Variants in PCDH15 observed in about 807,000 individuals in gnomAD.
The protein encoded by PCDH15 is protocadherin related 15.
PCDH15 carries 129 observed loss-of-function variants against 178.5 expected under a neutral mutation model. That is an observed-to-expected ratio of 0.72 (90% CI 0.63 to 0.84). The LOEUF is 0.84. Among genes scored for constraint, PCDH15 ranks in the 40% least tolerant of loss-of-function variants. The probability of loss-of-function intolerance (pLI) is 0.00; values close to 1 mark genes in which losing one functional copy is unlikely to be tolerated. For missense variants in PCDH15, 2,230 were observed against 2,099.9 expected, an observed-to-expected ratio of 1.06 and a Z score of -1.21; for synonymous variants, 800 against 732.0, an observed-to-expected ratio of 1.09 and a Z score of -1.50.
chr10:55,525,768 T>C (rs1168669737), intron 2 of PCDH15, among the ~76,000 whole-genome samples: 1 of 151,930 alleles, frequency 6.6e-6, no homozygotes, highest in Non-Finnish European at 1.5e-5. Context: ...ATTTTCATTT[T>C]ATGGAATCAA....
Position 53,940,795 on chromosome 10 carries a change from T to C in PCDH15, c.3232+71A>G, listed in dbSNP as rs2085990956. 4 of 1,093,330 alleles carry C rather than the reference T, an allele frequency of 3.7e-6. No homozygotes were observed. In the Admixed American group the frequency reaches 7.2e-5, roughly 20 times the overall value. The allele number at this position is 1,093,330 out of a possible 1,614,324, so 67.7% of individuals were successfully genotyped here. On this transcript the variant is annotated intron_variant, in intron 24 of 37. Transcript: ENST00000644397. ...ACAATAGAATAGATAATAATTTCAATTCAATCTGAAATTAGGCCAAATCTA... is the reference window on the plus strand; with the variant it reads ...ACAATAGAATAGATAATAATTTCAACTCAATCTGAAATTAGGCCAAATCTA...
intron 1 of PCDH15, among the ~76,000 whole-genome samples, chr10:55,247,148 T>A (rs1434425426): frequency 1.3e-5 from 2 of 152,190 alleles, no homozygotes; most frequent in Non-Finnish European, 2.9e-5. Flanking sequence ...AGTTTGTTCA[T>A]GTTAGTTAAG....
At chr10:55,268,111 T>C (rs1842348504) in intron 1 of PCDH15, among the ~76,000 whole-genome samples, 1 of 152,194 alleles carries the variant, frequency 6.6e-6, no homozygotes, top group East Asian at 1.9e-4. Context: ...AATAAAGTAA[T>C]TACTACTTCT....
chr10:55,614,828 T>C (rs1016865437), intron 2 of PCDH15, among the ~76,000 whole-genome samples: 1 of 152,130 alleles, frequency 6.6e-6, no homozygotes, highest in Non-Finnish European at 1.5e-5. Context: ...TATACAGTCA[T>C]AACTGGCCAA....
intron 2 of PCDH15, among the ~76,000 whole-genome samples, chr10:54,979,876 G>T (rs1213374402): frequency 2.6e-5 from 4 of 151,922 alleles, no homozygotes; most frequent in Non-Finnish European, 5.9e-5. Context: ...ACTTTTTAAT[G>T]CAATACTTGT....
intron 35 of PCDH15, among the ~76,000 whole-genome samples, chr10:53,814,979 A>C (rs2076009155): frequency 6.6e-6 from 1 of 151,792 alleles, no homozygotes; most frequent in Non-Finnish European, 1.5e-5. Context: ...AAAAAAAAAA[A>C]AATCGAGTAA....
At chr10:55,425,486 CTATT>C (rs950640951) in intron 2 of PCDH15, among the ~76,000 whole-genome samples, 2 of 151,986 alleles carry the variant, frequency 1.3e-5, no homozygotes, top group African/African-American at 2.4e-5. Context: ...AGAAAACATA[CTATT>C]TATGTAAAAA....
intron 1 of PCDH15, among the ~76,000 whole-genome samples, chr10:55,312,046 A>G (rs1029110259): frequency 6.6e-6 from 1 of 152,186 alleles, no homozygotes; most frequent in African/African-American, 2.4e-5. Flanking sequence ...TGTAATGTGG[A>G]GATTGTGAAT....
chr10:53,909,761 G>A (rs544380775), intron 25 of PCDH15, among the ~76,000 whole-genome samples: 2 of 152,332 alleles, frequency 1.3e-5, no homozygotes, highest in African/African-American at 2.4e-5. Flanking sequence ...GCCAAGGGAA[G>A]TCATGACAGA....
At chr10:54,301,577 G>A (rs2060151815) in intron 8 of PCDH15, among the ~76,000 whole-genome samples, 1 of 152,118 alleles carries the variant, frequency 6.6e-6, no homozygotes, top group Non-Finnish European at 1.5e-5. Context: ...TATCTTAAAA[G>A]GAATGGCTTC....
chr10:55,089,909 A>C (rs11004735), intron 2 of PCDH15, among the ~76,000 whole-genome samples: 12,786 of 152,028 alleles, frequency 0.084, 661 homozygotes, highest in East Asian at 0.26. Flanking sequence ...TTTTTTTCAC[A>C]ATACACCCCT....
chr10:53,956,171 G>A (rs2087595901), intron 23 of PCDH15, among the ~76,000 whole-genome samples: 1 of 152,044 alleles, frequency 6.6e-6, no homozygotes, highest in African/African-American at 2.4e-5. Flanking sequence ...GTAGCTAATA[G>A]GACTAAGCCT....
At chr10:54,632,196 C>T (rs942904578) in intron 2 of PCDH15, among the ~76,000 whole-genome samples, 2 of 152,066 alleles carry the variant, frequency 1.3e-5, no homozygotes, top group African/African-American at 4.8e-5. Context: ...AAACCAAATA[C>T]TACATGTTCT....
Position 53,822,779 on chromosome 10 carries a change from TC to T in PCDH15, c.4368-2550del, listed in dbSNP as rs752533546. The T allele has an allele frequency of 1.2e-6, 2 of 1,614,132 alleles. No individual in the cohort carries two copies. Among genetic ancestry groups the T allele is most frequent in the Non-Finnish European group, 1.7e-6 (2 of 1,179,962 alleles). ...AAGAGAGAGATTTCAACTGTTCTGT[TC>T]CTTCTATCATCAGTGTTTCACCTTG... On this transcript the variant is annotated intron_variant, in intron 32 of 37. Transcript: ENST00000644397.
At chr10:55,041,012 A>C (rs1403920385) in intron 2 of PCDH15, among the ~76,000 whole-genome samples, 1 of 152,124 alleles carries the variant, frequency 6.6e-6, no homozygotes, top group Non-Finnish European at 1.5e-5. Context: ...CAATTATTAC[A>C]AGATAAATAT....
At chr10:55,437,996 C>CT (rs1215117783) in intron 2 of PCDH15, among the ~76,000 whole-genome samples, 9 of 151,624 alleles carry the variant, frequency 5.9e-5, no homozygotes, top group Admixed American at 2.6e-4. Flanking sequence ...GCCACCACGC[C>CT]GGCTAATTTT....
intron 22 of PCDH15, among the ~76,000 whole-genome samples, chr10:53,960,644 C>G (rs1490580573): frequency 6.6e-6 from 1 of 152,120 alleles, no homozygotes; most frequent in East Asian, 1.9e-4. Flanking sequence ...GTTTTGGAAG[C>G]TGCAGGTTAA....
intron 21 of PCDH15, among the ~76,000 whole-genome samples, chr10:53,978,435 A>G (rs373475417): frequency 3.9e-5 from 6 of 152,104 alleles, no homozygotes; most frequent in Admixed American, 6.5e-5. Context: ...GCTAGGATGC[A>G]GGGAACCAAG....
rs1408109918 is a variant in PCDH15 at position 53,803,815 on chromosome 10, A to C, written c.*2764T>G. On this transcript the variant is annotated 3_prime_UTR_variant, in exon 38 of 38. Transcript: ENST00000644397. ...ATTACATCATTCTGTTCTCACCTCG[A>C]TTAGCCAAGACCTGCTGTTTCTTCT... 2 of 151,958 alleles carry C rather than the reference A, an allele frequency of 1.3e-5. No individual in the cohort carries two copies. The highest frequency in any genetic ancestry group is 2.9e-5 in the Non-Finnish European group (2 of 67,900). 9.4% of individuals were successfully genotyped at this position (151,958 alleles called of 1,614,324 possible).
Sources: allele counts gnomAD v4.1 joint callset (sites outside exome capture counted in the v4.1 genomes callset), GRCh38; gene constraint gnomAD v4.1.1; transcripts MANE v1.5; gene names NCBI Gene and HGNC (gene_info 2026-07-23, HGNC 2026-07-21).